The following DNTTIP1 variants were observed in gnomAD, a reference collection of about 807,000 sequenced individuals.
The protein encoded by DNTTIP1 is deoxynucleotidyltransferase terminal-interacting protein 1.
Under a neutral mutation model 52.9 loss-of-function variants are expected in DNTTIP1, and 22 were observed. That is an observed-to-expected ratio of 0.42 (90% CI 0.30 to 0.59). The LOEUF is 0.59. Among genes scored for constraint, DNTTIP1 ranks in the 20% least tolerant of loss-of-function variants. DNTTIP1 has a pLI of 0.22. For missense variants in DNTTIP1, 286 were observed against 435.5 expected (o/e 0.66, Z 3.06); for synonymous variants, 136 against 155.1 (o/e 0.88, Z 0.92).
chr20:45,799,993 G>C (rs772779582), intron 4 of DNTTIP1, among the ~76,000 whole-genome samples: 4 of 149,640 alleles, frequency 2.7e-5, no homozygotes, highest in African/African-American at 9.8e-5. Flanking sequence ...GTGGTTGCAC[G>C]CCTGTAATCC....
chr20:45,802,699 T>C (rs923161344), intron 7 of DNTTIP1, among the ~76,000 whole-genome samples: 2 of 152,134 alleles, frequency 1.3e-5, no homozygotes, highest in African/African-American at 4.8e-5. Flanking sequence ...CTCTTGGTAT[T>C]GTACATGAAC....
chr20:45,802,500 A>T (rs1981507677), intron 7 of DNTTIP1, among the ~76,000 whole-genome samples: 1 of 152,088 alleles, frequency 6.6e-6, no homozygotes, highest in Admixed American at 6.5e-5. Flanking sequence ...TAATTTTTTT[A>T]GAGCAGTTTT....
At position 45,795,334 on chromosome 20, in the gene DNTTIP1, T is replaced by G. The variant is rs1462783038; in HGVS notation, c.274-11T>G. Reference sequence around the variant, plus strand: ...AGGACTCTGACCTTGTCCTCTGTTGTGCTCCCCTAGTTCTTCCAGAAGGCA... The same window carrying G: ...AGGACTCTGACCTTGTCCTCTGTTGGGCTCCCCTAGTTCTTCCAGAAGGCA... On this transcript the variant is annotated splice_polypyrimidine_tract_variant and intron_variant, in intron 3 of 12. Transcript: ENST00000372622. 1 of 1,582,566 alleles carries G rather than the reference T, an allele frequency of 6.3e-7. No individual in the cohort carries two copies. The highest frequency in any genetic ancestry group is 8.6e-7 in the Non-Finnish European group (1 of 1,157,016).
chr20:45,805,685 C>T lies in DNTTIP1; in HGVS notation c.723+319C>T, dbSNP rs183368099. Among the ~76,000 whole-genome samples the T allele has an allele frequency of 3.4e-3, 517 of 152,356 alleles. 2 individuals are homozygous for T. The highest frequency in any genetic ancestry group is 5.7e-3 in the Non-Finnish European group (391 of 68,040). ...TCAGAGGTTGAGAAAGGCTGAGTGA[C>T]TTGCCCACAGTTATTCAGCTAGAAA... On this transcript the variant is annotated intron_variant, in intron 10 of 12. Transcript: ENST00000372622.
intron 10 of DNTTIP1, among the ~76,000 whole-genome samples, chr20:45,806,601 T>A (rs913956668): frequency 6.6e-6 from 1 of 152,252 alleles, no homozygotes; most frequent in Non-Finnish European, 1.5e-5. Flanking sequence ...ACGTAAGGCT[T>A]GGCACCTCTT....
intron 3 of DNTTIP1, among the ~76,000 whole-genome samples, chr20:45,795,077 T>C (rs1312093392): frequency 1.3e-5 from 2 of 151,934 alleles, no homozygotes; most frequent in Non-Finnish European, 2.9e-5. Context: ...GGATTACAGG[T>C]GTGAGCCACC....
chr20:45,802,689 C>T (rs1486360082), intron 7 of DNTTIP1, among the ~76,000 whole-genome samples: 1 of 152,096 alleles, frequency 6.6e-6, no homozygotes, highest in African/African-American at 2.4e-5. Context: ...TGAGGGTTCA[C>T]TCTTGGTATT....
At chr20:45,800,679 T>TAAAAAAAAAA (rs144859982) in intron 4 of DNTTIP1, among the ~76,000 whole-genome samples, 1 of 14,688 alleles carries the variant, frequency 6.8e-5, no homozygotes, top group African/African-American at 2.6e-4. Context: ...CATCTCAATT[T>TAAAAAAAAAA]AAAAAAAAAA....
chr20:45,810,521 A>T (rs940643202), intron 11 of DNTTIP1, among the ~76,000 whole-genome samples: 1 of 148,478 alleles, frequency 6.7e-6, no homozygotes, highest in Non-Finnish European at 1.5e-5. Context: ...CGTATACTTG[A>T]TCTTAACCAA....
rs560637114 is a variant in DNTTIP1 at position 45,809,626 on chromosome 20, C to T, written c.795+441C>T. On this transcript the variant is annotated intron_variant, in intron 11 of 12. Coordinates refer to ENST00000372622, the MANE Select transcript of DNTTIP1 (RefSeq NM_052951.3). This position sits in a 1 kb window ranked among gnomAD's most constrained non-coding sequence, Gnocchi z 4.2. ...GAGTTAGCAATGAAATGTGTTTGCA[C>T]ACTTGGCAGCCCCTTCCAGATTTAC... Among the ~76,000 whole-genome samples, 1 of 152,380 alleles carries T rather than the reference C, an allele frequency of 6.6e-6. No individual in the cohort carries two copies. Among genetic ancestry groups the T allele is most frequent in the Non-Finnish European group, 1.5e-5 (1 of 68,036 alleles).
Position 45,809,320 on chromosome 20 carries a change from G to T in DNTTIP1, c.795+135G>T. On this transcript the variant is annotated intron_variant, in intron 11 of 12. Coordinates refer to ENST00000372622, the MANE Select transcript of DNTTIP1 (RefSeq NM_052951.3). This position sits in a 1 kb window ranked among gnomAD's most constrained non-coding sequence, Gnocchi z 4.2. ...ATGTGTGAGAAGAGAGACTTATAAG[G>T]CCTATTTCTTCATGCTGAAGAGCAA... 2 of 736,108 alleles carry T rather than the reference G, an allele frequency of 2.7e-6. No homozygotes were observed. Among genetic ancestry groups the T allele is most frequent in the South Asian group, 3.3e-5 (2 of 60,614 alleles). The allele number at this position is 736,108 out of a possible 1,614,324, so 45.6% of individuals were successfully genotyped here.
chr20:45,796,926 C>T (rs184494089), intron 4 of DNTTIP1, among the ~76,000 whole-genome samples: 2 of 152,286 alleles, frequency 1.3e-5, no homozygotes, highest in African/African-American at 4.8e-5. Context: ...AACCTCATTG[C>T]CTACTCTTCT....
intron 4 of DNTTIP1, among the ~76,000 whole-genome samples, chr20:45,800,768 C>T (rs1981438869): frequency 8.7e-6 from 1 of 115,370 alleles, no homozygotes; most frequent in African/African-American, 3.5e-5. Context: ...TGGAAGTGGG[C>T]CGATCACTTG....
intron 10 of DNTTIP1, among the ~76,000 whole-genome samples, chr20:45,808,133 G>T (rs544423217): frequency 3.7e-4 from 57 of 152,098 alleles, no homozygotes; most frequent in Non-Finnish European, 5.9e-4. Flanking sequence ...ATCAGTTGAG[G>T]CCAGGAGTTC....
intron 8 of DNTTIP1, among the ~76,000 whole-genome samples, chr20:45,804,411 G>A (rs1007695468): frequency 6.6e-6 from 1 of 151,776 alleles, no homozygotes; most frequent in Non-Finnish European, 1.5e-5. Flanking sequence ...TTATCACAGC[G>A]GCCTCTAAAC....
At position 45,801,054 on chromosome 20, in the gene DNTTIP1, C is replaced by T; in HGVS notation, c.373-20C>T. 1 of 1,611,220 alleles carries T rather than the reference C, an allele frequency of 6.2e-7. No individual in the cohort carries two copies. The highest frequency in any genetic ancestry group is 2.2e-5 in the East Asian group (1 of 44,852). On this transcript the variant is annotated intron_variant, in intron 4 of 12. Transcript: ENST00000372622. Reference sequence around the variant, plus strand: ...CCCACCAAAATAGTGACTGGTAACACTTGGTCTTTTTCCCTTCAGGCTAAA... The same window carrying T: ...CCCACCAAAATAGTGACTGGTAACATTTGGTCTTTTTCCCTTCAGGCTAAA...
rs1233521097 is a variant in DNTTIP1, at chr20:45,811,274, G to C, written c.*79G>C. ...CGTGGCTGAGGCCACCGCTGGGACT[G>C]CTCCTAGATGGATCTCAGCGGCATT... On this transcript the variant is annotated 3_prime_UTR_variant, in exon 13 of 13. Transcript: ENST00000372622. 1.3e-6 allele frequency: 2 copies of C among 1,491,394 alleles called. No individual in the cohort carries two copies. The highest frequency in any genetic ancestry group is 2.3e-5 in the East Asian group (1 of 44,082). The allele number at this position is 1,491,394 out of a possible 1,614,324, so 92.4% of individuals were successfully genotyped here.
rs1445369878 is a variant in DNTTIP1, at chr20:45,809,656, A to G, written c.795+471A>G. Among the ~76,000 whole-genome samples, 1 of 152,220 alleles carries G rather than the reference A, an allele frequency of 6.6e-6. No homozygotes were observed. Among genetic ancestry groups the G allele is most frequent in the African/African-American group, 2.4e-5 (1 of 41,454 alleles). On this transcript the variant is annotated intron_variant, in intron 11 of 12. Coordinates refer to ENST00000372622, the MANE Select transcript of DNTTIP1 (RefSeq NM_052951.3). This position sits in a 1 kb window ranked among gnomAD's most constrained non-coding sequence, Gnocchi z 4.2. ...GGCAGCCCCTTCCAGATTTACCTCT[A>G]CTTGAAGAGTTCTCAGATCATATGA...
At position 45,800,728 on chromosome 20, in the gene DNTTIP1, T is replaced by A. The variant is rs867497653; in HGVS notation, c.373-346T>A. On this transcript the variant is annotated intron_variant, in intron 4 of 12. Transcript: ENST00000372622. The stretch of plus-strand genomic sequence containing the variant: ...ATATATATATATATATATATATATA[T>A]ATATATATATATATATATATATATA... Among the ~76,000 whole-genome samples the A allele has an allele frequency of 3.2e-4, 12 of 38,056 alleles. 1 individual carries two copies. Among genetic ancestry groups the A allele is most frequent in the East Asian group, 1.5e-3 (1 of 666 alleles). 25.0% of individuals were successfully genotyped at this position (38,056 alleles called of 152,430 possible).
Sources: allele counts gnomAD v4.1 joint callset (sites outside exome capture counted in the v4.1 genomes callset), GRCh38; gene constraint gnomAD v4.1.1; non-coding constraint Gnocchi (gnomAD v3.1); transcripts MANE v1.5; gene names NCBI Gene and HGNC (gene_info 2026-07-23, HGNC 2026-07-21).